Variants in GEN1 observed in about 807,000 individuals in gnomAD.
GEN1 encodes the protein flap endonuclease GEN homolog 1.
In GEN1, 64 loss-of-function variants were observed where a neutral mutation model predicts 67.6. That is an observed-to-expected ratio of 0.95 (90% CI 0.77 to 1.17). GEN1 has a LOEUF of 1.17. Ranked by LOEUF, GEN1 falls within the 50% of genes most tolerant of loss-of-function variation. GEN1 has a pLI of 0.00. For missense variants in GEN1, 1,058 were observed against 1,048.3 expected, an observed-to-expected ratio of 1.01 and a Z score of -0.13; for synonymous variants, 371 against 359.4, an observed-to-expected ratio of 1.03 and a Z score of -0.37.
rs935603961 is a variant in GEN1, at chr2:17,786,843, A to G, written c.*4904A>G. The G allele has an allele frequency of 1.3e-5, 2 of 152,158 alleles. No homozygotes were observed. Among genetic ancestry groups the G allele is most frequent in the Admixed American group, 1.3e-4 (2 of 15,276 alleles). The allele number at this position is 152,158 out of a possible 1,614,324, so 9.4% of individuals were successfully genotyped here. Reference sequence around the variant, plus strand: ...AGAATTCTAGAACAGTGTTTGACACAGTAACTACTAGATGCATGAATGACA... The same window carrying G: ...AGAATTCTAGAACAGTGTTTGACACGGTAACTACTAGATGCATGAATGACA... On this transcript the variant is annotated 3_prime_UTR_variant, in exon 14 of 14. Coordinates refer to ENST00000381254, the MANE Select transcript of GEN1 (RefSeq NM_001130009.3).
In GEN1 at chr2:17,786,720, TG is replaced by T. The variant is rs1398270912; in HGVS notation, c.*4782del. The T allele has an allele frequency of 6.6e-6, 1 of 152,192 alleles. No individual in the cohort carries two copies. Among genetic ancestry groups the T allele is most frequent in the Admixed American group, 6.5e-5 (1 of 15,280 alleles). The allele number at this position is 152,192 out of a possible 1,614,324, so 9.4% of individuals were successfully genotyped here. A position where few individuals can be genotyped will look rare whatever the true frequency, so the allele number is the denominator to read the frequency against. On this transcript the variant is annotated 3_prime_UTR_variant, in exon 14 of 14. Coordinates refer to ENST00000381254, the MANE Select transcript of GEN1 (RefSeq NM_001130009.3). The stretch of plus-strand genomic sequence containing the variant: ...AGAGAGTCCTAATCTTTTTATCTCC[TG>T]ACATTATAAATGTTGAGTTCAGGGT...
Position 17,783,421 on chromosome 2 carries a change from G to A in GEN1, c.*1482G>A, listed in dbSNP as rs887462887. On this transcript the variant is annotated 3_prime_UTR_variant, in exon 14 of 14. Coordinates refer to ENST00000381254, the MANE Select transcript of GEN1 (RefSeq NM_001130009.3). ...TACATTCCATGTTCATGAATCAGAA[G>A]ACATAAGATGACCATACTCCCCAAA... 6.6e-6 allele frequency: 1 copy of A among 152,144 alleles called. No individual in the cohort carries two copies. The highest frequency in any genetic ancestry group is 2.4e-5 in the African/African-American group (1 of 41,432). The allele number at this position is 152,144 out of a possible 1,614,324, so 9.4% of individuals were successfully genotyped here. A position where few individuals can be genotyped will look rare whatever the true frequency, so the allele number is the denominator to read the frequency against.
At chr2:17,754,931 C>T (rs1671341752) in intron 1 of GEN1, 1 of 152,188 alleles carries the variant, frequency 6.6e-6, no homozygotes, top group Non-Finnish European at 1.5e-5. Context: ...ACAACCCTTC[C>T]CATGAATATG....
At position 17,781,400 on chromosome 2, in the gene GEN1, A is replaced by G; in HGVS notation, c.2188A>G (p.Asn730Asp). ...GGATCTTCCAGGAATTCCCTTGCAA[A>G]ATGAATCCAGAGACTCTAAAATTCT... is the stretch of plus-strand genomic sequence containing the variant. ...SKDLPGIPLQ[N>D]ESRDSKILKG... Residue 730 changes from asparagine to aspartate, a missense_variant, in exon 14 of 14, where the codon AAT becomes GAT. By Grantham distance (23) the Asn-to-Asp change is conservative (BLOSUM62 1). Transcript: ENST00000381254. 6.2e-7 allele frequency: 1 copy of G among 1,613,824 alleles called. No individual in the cohort carries two copies. The highest frequency in any genetic ancestry group is 2.2e-5 in the East Asian group (1 of 44,864).
chr2:17,770,614 A>C (rs1672134468), intron 6 of GEN1, among the ~76,000 whole-genome samples: 1 of 152,136 alleles, frequency 6.6e-6, no homozygotes, highest in Non-Finnish European at 1.5e-5. Context: ...ATTAGTAGAA[A>C]TCTTTATAGT....
intron 4 of GEN1, among the ~76,000 whole-genome samples, 161 bp from the exon 5 acceptor site, chr2:17,766,418 C>T (rs943209085): frequency 5.3e-5 from 8 of 152,190 alleles, no homozygotes; most frequent in East Asian, 1.9e-4. Flanking sequence ...GATACACCCA[C>T]CTTGGCCTCT....
At chr2:17,771,968 T>C (rs909255333) in intron 7 of GEN1, among the ~76,000 whole-genome samples, 1 of 152,038 alleles carries the variant, frequency 6.6e-6, no homozygotes, top group Non-Finnish European at 1.5e-5. Flanking sequence ...AAATCAATGT[T>C]TTTATAAATA....
intron 11 of GEN1, among the ~76,000 whole-genome samples, chr2:17,777,588 A>G (rs1225672671): frequency 6.6e-6 from 1 of 152,186 alleles, no homozygotes; most frequent in East Asian, 1.9e-4. Context: ...TCACCTATTA[A>G]AAGACAGATT....
At chr2:17,758,662 T>C (rs1671533765) in intron 1 of GEN1, among the ~76,000 whole-genome samples, 1 of 152,196 alleles carries the variant, frequency 6.6e-6, no homozygotes, top group African/African-American at 2.4e-5. Flanking sequence ...TAGATGTCAC[T>C]GTACACTTCA....
At chr2:17,757,992 G>A (rs1671504714) in intron 1 of GEN1, among the ~76,000 whole-genome samples, 2 of 152,224 alleles carry the variant, frequency 1.3e-5, no homozygotes, top group South Asian at 4.2e-4. Flanking sequence ...ATTCATACCT[G>A]TTTTCATTTT....
chr2:17,762,203 G>GTTTTT (rs528367680), intron 3 of GEN1, among the ~76,000 whole-genome samples: 1 of 125,674 alleles, frequency 8.0e-6, no homozygotes, highest in African/African-American at 3.0e-5. Flanking sequence ...TTTTTTGGTT[G>GTTTTT]TTTTTTTTTT....
At position 17,778,326 on chromosome 2, in the gene GEN1, GTACATATA is replaced by G. The variant is rs1672614232; in HGVS notation, c.1264+265_1264+272del. On this transcript the variant is annotated intron_variant, in intron 12 of 13. Transcript: ENST00000381254. ...CATATATGTATATACACACACACGT[GTACATATA>G]TGTATACACACACATGTGTGTACAT... Among the ~76,000 whole-genome samples, 4 of 59,690 alleles carry G rather than the reference GTACATATA, an allele frequency of 6.7e-5. 2 individuals are homozygous for G. Among genetic ancestry groups the G allele is most frequent in the Non-Finnish European group, 1.2e-4 (4 of 32,392 alleles). 39.2% of individuals were successfully genotyped at this position (59,690 alleles called of 152,430 possible).
At position 17,788,586 on chromosome 2, in the gene GEN1, C is replaced by T. The variant is rs1316059241; in HGVS notation, c.*6647C>T. 1 of 152,144 alleles carries T rather than the reference C, an allele frequency of 6.6e-6. No individual in the cohort carries two copies. The highest frequency in any genetic ancestry group is 1.5e-5 in the Non-Finnish European group (1 of 68,014). The allele number at this position is 152,144 out of a possible 1,614,324, so 9.4% of individuals were successfully genotyped here. A position where few individuals can be genotyped will look rare whatever the true frequency, so the allele number is the denominator to read the frequency against. Reference sequence around the variant, plus strand: ...TGAGCTTCCTTAGCATTATTCTATTCCAAGACCCAAAAAGGAAAATAACCT... The same window carrying T: ...TGAGCTTCCTTAGCATTATTCTATTTCAAGACCCAAAAAGGAAAATAACCT... On this transcript the variant is annotated 3_prime_UTR_variant, in exon 14 of 14. Coordinates refer to ENST00000381254, the MANE Select transcript of GEN1 (RefSeq NM_001130009.3).
chr2:17,753,380 C>A (rs1400454163), upstream of GEN1, among the ~76,000 whole-genome samples: 16 of 49,440 alleles, frequency 3.2e-4, no homozygotes, highest in Admixed American at 1.8e-3. Flanking sequence ...CCGGAGCAGA[C>A]GCCAGGTTTC....
chr2:17,775,808 G>C (rs926445360), intron 11 of GEN1, among the ~76,000 whole-genome samples: 1 of 152,154 alleles, frequency 6.6e-6, no homozygotes, highest in Non-Finnish European at 1.5e-5. Flanking sequence ...AACTGAGAAA[G>C]ATACTACATT....
rs889271704 is a variant in GEN1 at position 17,764,751 on chromosome 2, A to C, written c.349-146A>C. On this transcript the variant is annotated intron_variant, in intron 3 of 13. Transcript: ENST00000381254. ...CCCTCAAATATTCAGTCATTGTTCA[A>C]ATTTCCAAGTGTTTCTTAAATATCG... The C allele has an allele frequency of 5.8e-6, 4 of 694,968 alleles. No individual in the cohort carries two copies. In the East Asian group the frequency reaches 1.2e-4, roughly 21 times the overall value. 43.1% of individuals were successfully genotyped at this position (694,968 alleles called of 1,614,324 possible).
intron 4 of GEN1, 38 bp downstream of exon 4, chr2:17,765,111 G>A (rs377553369): frequency 9.4e-5 from 149 of 1,590,228 alleles, no homozygotes; most frequent in South Asian, 8.8e-4. Flanking sequence ...ATTTGTTTAC[G>A]AACTACCTTT....
chr2:17,778,153 T>TACAC (rs70964006), intron 12 of GEN1, 90 bp downstream of exon 12: 6 of 473,546 alleles, frequency 1.3e-5, no homozygotes, highest in African/African-American at 4.3e-5. Flanking sequence ...TATATATATA[T>TACAC]ACACACACAC....
intron 6 of GEN1, among the ~76,000 whole-genome samples, chr2:17,770,345 A>G (rs114495060): frequency 3.2e-3 from 491 of 152,204 alleles, no homozygotes; most frequent in African/African-American, 0.011. Flanking sequence ...TCTGGAAGCA[A>G]TTAATGCTAA....
Sources: gnomAD v4.1 joint callset for allele counts (sites outside exome capture counted in the v4.1 genomes callset) on GRCh38, gnomAD v4.1.1 for gene constraint, MANE v1.5 for transcripts, NCBI Gene and HGNC (gene_info 2026-07-23, HGNC 2026-07-21) for gene names.